The following TUBA1C variants were observed in gnomAD, a reference collection of about 807,000 sequenced individuals.
TUBA1C encodes tubulin alpha 1c.
Under a neutral mutation model 34.9 loss-of-function variants are expected in TUBA1C, and 16 were observed. The observed-to-expected ratio is 0.46, with a 90% CI of 0.31 to 0.70. The LOEUF (loss-of-function observed/expected upper bound fraction) is 0.70, where lower values mean the gene tolerates loss of function less well. TUBA1C is among the 30% of genes least tolerant of loss of function. TUBA1C has a pLI of 0.05. For missense variants in TUBA1C, 329 were observed against 587.3 expected (o/e 0.56, Z 4.55); for synonymous variants, 177 against 215.9 (o/e 0.82, Z 1.58).
At chr12:49,259,966 G>A (rs1942826212) in intron 1 of TUBA1C, among the ~76,000 whole-genome samples, 3 of 152,144 alleles carry the variant, frequency 2.0e-5, no homozygotes. Flanking sequence ...GTTGCAAGAA[G>A]TTAGTCGCAG....
At chr12:49,266,715 G>T (rs907514160) in intron 1 of TUBA1C, among the ~76,000 whole-genome samples, 3 of 152,036 alleles carry the variant, frequency 2.0e-5, no homozygotes, top group Non-Finnish European at 4.4e-5. Flanking sequence ...TGGGCGTCGT[G>T]GTGCGTGCCT....
At chr12:49,236,632 C>T (rs1331686870) in intron 1 of TUBA1C, among the ~76,000 whole-genome samples, 1 of 152,176 alleles carries the variant, frequency 6.6e-6, no homozygotes, top group Non-Finnish European at 1.5e-5. Context: ...ATGACTGATA[C>T]TTTCTGAGAA....
chr12:49,261,558 C>A (rs1314339511), upstream of TUBA1C, among the ~76,000 whole-genome samples: 1 of 152,122 alleles, frequency 6.6e-6, no homozygotes, highest in East Asian at 1.9e-4. Flanking sequence ...TTTGTAAAAA[C>A]TCATTTATAA....
intron 1 of TUBA1C, among the ~76,000 whole-genome samples, chr12:49,244,152 A>G (rs995219810): frequency 6.7e-6 from 1 of 149,230 alleles, no homozygotes; most frequent in Non-Finnish European, 1.5e-5. Context: ...TCTGTCTCAA[A>G]AAAAAAAAAA....
intron 1 of TUBA1C, among the ~76,000 whole-genome samples, chr12:49,268,076 A>T (rs772947949): frequency 1.3e-5 from 2 of 151,986 alleles, no homozygotes; most frequent in South Asian, 2.1e-4. Flanking sequence ...CCACCTCATA[A>T]ATATATATCT....
chr12:49,248,599 C>T (rs1181113162), intron 1 of TUBA1C, among the ~76,000 whole-genome samples: 1 of 151,078 alleles, frequency 6.6e-6, no homozygotes, highest in African/African-American at 2.4e-5. Context: ...CACGGTGGCC[C>T]ACGTCTGTAA....
chr12:49,248,562 G>GAA (rs377471762), intron 1 of TUBA1C, among the ~76,000 whole-genome samples: 1 of 124,604 alleles, frequency 8.0e-6, no homozygotes. Flanking sequence ...CTCTGTCTCA[G>GAA]AAAAAAAAAA....
chr12:49,265,329 G>A lies in TUBA1C; in HGVS notation c.3+145G>A, dbSNP rs1942892056. The A allele has an allele frequency of 1.3e-5, 7 of 547,228 alleles. No homozygotes were observed. In the East Asian group the frequency reaches 1.9e-4, roughly 15 times the overall value. 33.9% of individuals were successfully genotyped at this position (547,228 alleles called of 1,614,324 possible). On this transcript the variant is annotated intron_variant, in intron 1 of 3. Transcript: ENST00000301072. ...CCGGTTAACCTGGCTTGTGGCGGCCGGGCTGGAAGGTCGAGTTCACTTGGC... is the reference window on the plus strand; with the variant it reads ...CCGGTTAACCTGGCTTGTGGCGGCCAGGCTGGAAGGTCGAGTTCACTTGGC...
chr12:49,236,108 T>G (rs954820505), intron 1 of TUBA1C, among the ~76,000 whole-genome samples: 2 of 152,252 alleles, frequency 1.3e-5, no homozygotes, highest in African/African-American at 4.8e-5. Flanking sequence ...CTTGCCACGG[T>G]TTGATATAAG....
rs1942969553 is a variant in TUBA1C, at chr12:49,269,986, G to A, written c.375+10G>A. 1.9e-6 allele frequency: 3 copies of A among 1,614,216 alleles called. No individual in the cohort carries two copies. In the South Asian group the frequency reaches 3.3e-5, roughly 18 times the overall value. ...CCGAATTCGCAAGCTGGTAAGTATA[G>A]TACTTTAAATAAAGTGGGATGAGAG... On this transcript the variant is annotated intron_variant, in intron 3 of 3. Coordinates refer to ENST00000301072, the MANE Select transcript of TUBA1C (RefSeq NM_032704.5).
chr12:49,248,816 C>G (rs1271083628), intron 1 of TUBA1C, among the ~76,000 whole-genome samples: 2 of 139,124 alleles, frequency 1.4e-5, no homozygotes, highest in Admixed American at 1.6e-4. Context: ...TGCAGTGAGC[C>G]AAGATCGCGC....
At position 49,273,363 on chromosome 12, in the gene TUBA1C, G is replaced by A. The variant is rs774090316; in HGVS notation, c.*136G>A. The A allele has an allele frequency of 9.1e-5, 138 of 1,522,534 alleles. No individual in the cohort carries two copies. Among genetic ancestry groups the A allele is most frequent in the Non-Finnish European group, 1.2e-4 (130 of 1,122,590 alleles). The allele number at this position is 1,522,534 out of a possible 1,614,324, so 94.3% of individuals were successfully genotyped here. ...CGAGCTGACTTAAATACTTGATCCA[G>A]TTAAAGTTGGATGTATGAGGCTGGT... is the stretch of plus-strand genomic sequence containing the variant. On this transcript the variant is annotated 3_prime_UTR_variant, in exon 4 of 4. Coordinates refer to ENST00000301072, the MANE Select transcript of TUBA1C (RefSeq NM_032704.5).
intron 1 of TUBA1C, among the ~76,000 whole-genome samples, chr12:49,246,700 A>T (rs1942673186): frequency 6.6e-6 from 1 of 152,170 alleles, no homozygotes; most frequent in African/African-American, 2.4e-5. Context: ...TGAACTTTGA[A>T]TTGTGTGCTT....
At chr12:49,253,180 G>A (rs1168393912) in intron 1 of TUBA1C, among the ~76,000 whole-genome samples, 3 of 151,992 alleles carry the variant, frequency 2.0e-5, no homozygotes, top group African/African-American at 7.2e-5. Context: ...TAAACCCGCT[G>A]GAGGTTAGTA....
At chr12:49,231,725 T>C (rs1457118310) in intron 1 of TUBA1C, among the ~76,000 whole-genome samples, 1 of 151,562 alleles carries the variant, frequency 6.6e-6, no homozygotes, top group Non-Finnish European at 1.5e-5. Context: ...GACAGATAGA[T>C]AGATAGATAG....
chr12:49,242,459 G>T (rs981211349), intron 1 of TUBA1C, among the ~76,000 whole-genome samples: 1 of 151,946 alleles, frequency 6.6e-6, no homozygotes, highest in African/African-American at 2.4e-5. Context: ...GTTTTGTGTT[G>T]TGTGTGTTTT....
chr12:49,264,440 G>C (rs960278289), upstream of TUBA1C, among the ~76,000 whole-genome samples: 7 of 152,178 alleles, frequency 4.6e-5, no homozygotes, highest in African/African-American at 1.7e-4. Flanking sequence ...TGGGGAGCAA[G>C]CCCTCTCTCT....
intron 3 of TUBA1C, among the ~76,000 whole-genome samples, chr12:49,270,918 G>C (rs1207413151): frequency 6.6e-6 from 1 of 152,148 alleles, no homozygotes; most frequent in Admixed American, 6.5e-5. Flanking sequence ...GGCGGAGCTT[G>C]CAGTGAGCCG....
In TUBA1C at chr12:49,272,750, C is replaced by T; in HGVS notation, c.873C>T (p.Ile291=). 1 of 1,613,690 alleles carries T rather than the reference C, an allele frequency of 6.2e-7. No homozygotes were observed. Residue 291 remains isoleucine (I), a synonymous_variant, in exon 4 of 4, where the codon ATC becomes ATT. Coordinates refer to ENST00000301072, the MANE Select transcript of TUBA1C (RefSeq NM_032704.5). Reference sequence around the variant, plus strand: ...ACGAACAGCTTACTGTAGCAGAGATCACCAATGCTTGCTTTGAGCCAGCCA... The same window carrying T: ...ACGAACAGCTTACTGTAGCAGAGATTACCAATGCTTGCTTTGAGCCAGCCA... The part of the protein sequence containing the change: ...AYHEQLTVAE[I]TNACFEPANQ...
Sources: gnomAD v4.1 joint callset for allele counts (sites outside exome capture counted in the v4.1 genomes callset) on GRCh38, gnomAD v4.1.1 for gene constraint, MANE v1.5 for transcripts, NCBI Gene and HGNC (gene_info 2026-07-23, HGNC 2026-07-21) for gene names.